The following BABAM2 variants were observed in gnomAD, a reference collection of about 807,000 sequenced individuals.
BABAM2 encodes BRISC and BRCA1 A complex member 2.
In BABAM2, 31 loss-of-function variants were observed where a neutral mutation model predicts 54.7. That is an observed-to-expected ratio of 0.57 (90% confidence interval 0.43 to 0.77). The LOEUF (loss-of-function observed/expected upper bound fraction) is 0.77, where lower values mean the gene tolerates loss of function less well. BABAM2 is among the 30% of genes least tolerant of loss of function. The probability of loss-of-function intolerance (pLI) is 0.00; values close to 1 mark genes in which losing one functional copy is unlikely to be tolerated. For missense variants in BABAM2, 364 were observed against 455.8 expected (o/e 0.80, Z 1.83); for synonymous variants, 167 against 162.9 (o/e 1.03, Z -0.19).
chr2:28,053,603 C>A (rs1394820581), intron 6 of BABAM2, among the ~76,000 whole-genome samples: 1 of 152,186 alleles, frequency 6.6e-6, no homozygotes, highest in East Asian at 1.9e-4. Context: ...TGAACACTTA[C>A]ACTGCAGGGA....
intron 5 of BABAM2, among the ~76,000 whole-genome samples, chr2:28,033,378 A>G (rs1044245027): frequency 6.6e-6 from 1 of 152,142 alleles, no homozygotes; most frequent in African/African-American, 2.4e-5. Context: ...AAAGGAATTT[A>G]TTCCTTACAG....
intron 7 of BABAM2, among the ~76,000 whole-genome samples, chr2:28,176,862 A>G (rs1347903227): frequency 1.3e-5 from 2 of 149,902 alleles, no homozygotes; most frequent in Non-Finnish European, 3.0e-5. Flanking sequence ...AAAAAAGAAG[A>G]AGGAGAAGAA....
At chr2:28,136,572 A>G (rs1670561914) in intron 7 of BABAM2, among the ~76,000 whole-genome samples, 1 of 152,216 alleles carries the variant, frequency 6.6e-6, no homozygotes, top group Non-Finnish European at 1.5e-5. Flanking sequence ...GCTAGCCAGG[A>G]GGATACTTTC....
At chr2:28,197,242 A>T (rs1440441938) in intron 7 of BABAM2, among the ~76,000 whole-genome samples, 1 of 152,144 alleles carries the variant, frequency 6.6e-6, no homozygotes, top group African/African-American at 2.4e-5. Context: ...TTTGAGTCAC[A>T]TTGACTCTTG....
At chr2:28,080,461 G>A (rs1009573927) in intron 6 of BABAM2, among the ~76,000 whole-genome samples, 1 of 152,140 alleles carries the variant, frequency 6.6e-6, no homozygotes, top group African/African-American at 2.4e-5. Context: ...ACCTGGATGA[G>A]GCAAAAGGAT....
At chr2:28,244,556 C>T (rs1682746789) in intron 9 of BABAM2, among the ~76,000 whole-genome samples, 1 of 152,002 alleles carries the variant, frequency 6.6e-6, no homozygotes, top group Admixed American at 6.6e-5. Flanking sequence ...AAGTGATTTG[C>T]CTGAGGTCAT....
chr2:27,923,564 G>T (rs1374682500), intron 2 of BABAM2, among the ~76,000 whole-genome samples: 3 of 152,194 alleles, frequency 2.0e-5, no homozygotes, highest in Non-Finnish European at 4.4e-5. Flanking sequence ...GCTGCAGTGA[G>T]TTATAATTGT....
At chr2:28,285,010 A>G (rs921024610) in intron 10 of BABAM2, among the ~76,000 whole-genome samples, 3 of 152,234 alleles carry the variant, frequency 2.0e-5, no homozygotes, top group Non-Finnish European at 2.9e-5. Context: ...GAGTATAGTC[A>G]GTTGCCTGAG....
chr2:27,970,783 T>G (rs1671151771), intron 3 of BABAM2, among the ~76,000 whole-genome samples: 1 of 152,162 alleles, frequency 6.6e-6, no homozygotes, highest in Admixed American at 6.5e-5. Context: ...AAAAAATGTT[T>G]TAAATTTTTT....
intron 4 of BABAM2, among the ~76,000 whole-genome samples, chr2:27,992,379 A>G (rs1395440886): frequency 1.3e-5 from 2 of 152,146 alleles, no homozygotes; most frequent in East Asian, 3.8e-4. Context: ...TCTAAATTTT[A>G]TGGAGGTGGC....
At chr2:28,160,736 T>TTC (rs1672999566) in intron 7 of BABAM2, among the ~76,000 whole-genome samples, 1 of 21,490 alleles carries the variant, frequency 4.7e-5, no homozygotes, top group Admixed American at 2.9e-4. Context: ...ATATAAATTG[T>TTC]TTTTTTTTTT....
intron 3 of BABAM2, among the ~76,000 whole-genome samples, chr2:27,982,369 TTTG>T (rs1193120262): frequency 1.3e-5 from 2 of 152,110 alleles, no homozygotes; most frequent in Admixed American, 6.6e-5. Context: ...TTTATCTATT[TTTG>T]TTGTTGTTGC....
At chr2:27,954,431 C>T (rs1158636701) in intron 3 of BABAM2, among the ~76,000 whole-genome samples, 1 of 152,240 alleles carries the variant, frequency 6.6e-6, no homozygotes, top group Non-Finnish European at 1.5e-5. Flanking sequence ...ACTGATGTCA[C>T]AGCCAAAGAG....
chr2:28,149,497 G>A (rs74771559), intron 7 of BABAM2, among the ~76,000 whole-genome samples: 2,040 of 152,220 alleles, frequency 0.013, 45 homozygotes, highest in African/African-American at 0.047. Flanking sequence ...AGATAGGGCC[G>A]GCATTGTCAT....
chr2:28,154,475 C>G (rs1241797958), intron 7 of BABAM2, among the ~76,000 whole-genome samples: 2 of 152,070 alleles, frequency 1.3e-5, no homozygotes, highest in African/African-American at 4.8e-5. Context: ...CAGGGTATAT[C>G]CTGAGTGAAA....
intron 10 of BABAM2, among the ~76,000 whole-genome samples, chr2:28,270,176 T>C (rs1474737961): frequency 6.6e-6 from 1 of 152,160 alleles, no homozygotes; most frequent in Non-Finnish European, 1.5e-5. Context: ...GGTTGGAGTA[T>C]AGTGGTGCAA....
intron 10 of BABAM2, among the ~76,000 whole-genome samples, chr2:28,254,899 A>AT (rs1255375430): frequency 6.6e-6 from 1 of 151,298 alleles, no homozygotes; most frequent in African/African-American, 2.4e-5. Context: ...ATGCCAGCTA[A>AT]TTTTTTAAAA....
chr2:28,314,787 C>T (rs1206674152), intron 11 of BABAM2, among the ~76,000 whole-genome samples: 1 of 151,878 alleles, frequency 6.6e-6, no homozygotes, highest in East Asian at 1.9e-4. Context: ...TGTCTGTTTA[C>T]TGGGACCCAG....
chr2:28,128,516 T>C (rs1293626932), intron 6 of BABAM2, among the ~76,000 whole-genome samples: 2 of 152,258 alleles, frequency 1.3e-5, no homozygotes, highest in African/African-American at 4.8e-5. Context: ...CAGTGTATCA[T>C]CAGCGTTGGC....
Sources: allele counts gnomAD v4.1 joint callset (sites outside exome capture counted in the v4.1 genomes callset), GRCh38; gene constraint gnomAD v4.1.1; transcripts MANE v1.5; gene names NCBI Gene and HGNC (gene_info 2026-07-23, HGNC 2026-07-21).